EDEM2: variants seen among roughly 807,000 people sequenced by gnomAD.
EDEM2 encodes the protein ER degradation-enhancing alpha-mannosidase-like protein 2.
In EDEM2, 39 loss-of-function variants were observed where a neutral mutation model predicts 64.8. The observed-to-expected ratio is 0.60, with a 90% CI of 0.47 to 0.79. The LOEUF (loss-of-function observed/expected upper bound fraction) is 0.79, where lower values mean the gene tolerates loss of function less well. Ranked by LOEUF, EDEM2 falls within the 30% of genes least tolerant of loss-of-function variation. EDEM2 has a pLI of 0.00. For synonymous variants in EDEM2, 296 were observed against 291.5 expected (o/e 1.02, Z -0.16); for missense variants, 609 against 731.3 (o/e 0.83, Z 1.93).
At chr20:35,137,841 C>T (rs774300691) in intron 5 of EDEM2, 39 bp downstream of exon 5, 3 of 1,605,756 alleles carry the variant, frequency 1.9e-6, no homozygotes, top group Non-Finnish European at 2.6e-6. Flanking sequence ...GCAGGACCTA[C>T]TGGACTTCGT....
Position 35,131,728 on chromosome 20 carries a change from A to G in EDEM2, c.758T>C (p.Ile253Thr). 6.2e-7 allele frequency: 1 copy of G among 1,614,164 alleles called. No homozygotes were observed. The highest frequency in any genetic ancestry group is 8.5e-7 in the Non-Finnish European group (1 of 1,180,010). Residue 253 changes from isoleucine to threonine, a missense_variant, in exon 7 of 11, where the codon ATC becomes ACC. Coordinates refer to ENST00000374492, the MANE Select transcript of EDEM2 (RefSeq NM_018217.3). The part of the protein sequence containing the change: ...TGKWVAQDAG[I>T]GAGVDSYFEY... ...AAAGTAGGAGTCCACGCCAGCCCCG[A>G]TGCCTGCGTCCTGGGCCACCCACTT... is the stretch of plus-strand genomic sequence containing the variant.
At chr20:35,141,535 T>C (rs1435779910) in intron 4 of EDEM2, among the ~76,000 whole-genome samples, 2 of 152,232 alleles carry the variant, frequency 1.3e-5, no homozygotes, top group Non-Finnish European at 2.9e-5. Flanking sequence ...TTCTCTTTTT[T>C]AATCTTTTAT....
At chr20:35,141,299 A>C (rs956995683) in intron 4 of EDEM2, among the ~76,000 whole-genome samples, 1 of 152,198 alleles carries the variant, frequency 6.6e-6, no homozygotes, top group East Asian at 1.9e-4. Context: ...TCTAATCATA[A>C]AACTACAGAA....
At chr20:35,121,127 T>G (rs960261971) in intron 9 of EDEM2, among the ~76,000 whole-genome samples, 1 of 152,244 alleles carries the variant, frequency 6.6e-6, no homozygotes, top group Non-Finnish European at 1.5e-5. Flanking sequence ...ATAATTCATG[T>G]GCATTACATT....
intron 4 of EDEM2, among the ~76,000 whole-genome samples, chr20:35,141,084 C>T (rs556315047): frequency 1.4e-5 from 2 of 138,016 alleles, no homozygotes; most frequent in South Asian, 2.3e-4. Context: ...TGCACCACTA[C>T]ACTCCCGCCT....
At chr20:35,146,781 G>T in intron 2 of EDEM2, 44 bp downstream of exon 2, 6 of 1,599,398 alleles carry the variant, frequency 3.8e-6, no homozygotes, top group Non-Finnish European at 4.3e-6. Context: ...CCGAGGCCCA[G>T]AGAGTCAGAC....
rs138113879 is a variant in EDEM2 at position 35,146,002 on chromosome 20, CA to C, written c.218+822del. Among the ~76,000 whole-genome samples, 572 of 82,752 alleles carry C rather than the reference CA, an allele frequency of 6.9e-3. 2 individuals carry two copies. Among genetic ancestry groups the C allele is most frequent in the African/African-American group, 0.018 (419 of 22,862 alleles). The allele number at this position is 82,752 out of a possible 152,430, so 54.3% of individuals were successfully genotyped here. A position where few individuals can be genotyped will look rare whatever the true frequency, so the allele number is the denominator to read the frequency against. On this transcript the variant is annotated intron_variant, in intron 2 of 10. Coordinates refer to ENST00000374492, the MANE Select transcript of EDEM2 (RefSeq NM_018217.3). ...GGGTAACAAGAGCGAAACTCCATCT[CA>C]AAAAAAAAAAAAAAAAAAAAAGAGT...
intron 7 of EDEM2, among the ~76,000 whole-genome samples, chr20:35,129,360 T>C (rs947460587): frequency 4.6e-5 from 7 of 151,642 alleles, no homozygotes; most frequent in Non-Finnish European, 8.8e-5. Flanking sequence ...CGAGCCGATA[T>C]TGCACCACTG....
chr20:35,118,690 G>A lies in EDEM2; in HGVS notation c.1144C>T (p.Arg382Cys), dbSNP rs775554503. The A allele has an allele frequency of 6.8e-6, 11 of 1,612,888 alleles. No individual in the cohort carries two copies. The highest frequency in any genetic ancestry group is 4.5e-5 in the East Asian group (2 of 44,900). Reference protein sequence around the residue: ...ELIESAMYLYRATGDPTLLEL... With the variant: ...ELIESAMYLYCATGDPTLLEL... ...AGGAGGGTGGGATCCCCCGTGGCAC[G>A]GTAGAGGTACATTGCGCTTTCAATA... Residue 382 changes from arginine to cysteine, a missense_variant, in exon 10 of 11, where the codon CGT becomes TGT. Arg to Cys is a radical substitution (Grantham distance 180). Transcript: ENST00000374492.
rs745754693 is a variant in EDEM2, at chr20:35,144,991, C to T, written c.246G>A (p.Leu82=). Residue 82 remains leucine, a synonymous_variant, in exon 3 of 11, where the codon CTG becomes CTA. Coordinates refer to ENST00000374492, the MANE Select transcript of EDEM2 (RefSeq NM_018217.3). The stretch of plus-strand genomic sequence containing the variant: ...ACGAGATACTTACCAGCAAGGTGTC[C>T]AGTGCATCAATTAGAGTCAGAGAAA... ...GSFSLTLIDA[L]DTLLILGNVS... 2 of 1,614,008 alleles carry T rather than the reference C, an allele frequency of 1.2e-6. No individual in the cohort carries two copies. The highest frequency in any genetic ancestry group is 2.2e-5 in the East Asian group (1 of 44,890).
At chr20:35,144,648 T>C (rs1310426103) in intron 3 of EDEM2, among the ~76,000 whole-genome samples, 2 of 152,202 alleles carry the variant, frequency 1.3e-5, no homozygotes, top group Non-Finnish European at 2.9e-5. Context: ...ACCCTTTTAT[T>C]ATCATTGAAC....
At chr20:35,147,093 G>T (rs1197727195) in intron 1 of EDEM2, 59 bp downstream of exon 1, 19 of 1,567,482 alleles carry the variant, frequency 1.2e-5, no homozygotes, top group Non-Finnish European at 1.6e-5. Flanking sequence ...GACGGAAAGG[G>T]AAAGGACCGG....
chr20:35,126,134 T>C (rs2085429175), intron 8 of EDEM2, 117 bp downstream of exon 8: 3 of 1,344,292 alleles, frequency 2.2e-6, no homozygotes, highest in Non-Finnish European at 3.0e-6. Context: ...CCTCAACCTG[T>C]CCCTCCAAAA....
chr20:35,126,550 C>G (rs1470271249), intron 7 of EDEM2, among the ~76,000 whole-genome samples, 175 bp from the exon 8 acceptor site: 1 of 152,182 alleles, frequency 6.6e-6, no homozygotes, highest in Non-Finnish European at 1.5e-5. Context: ...AATTCCAGCT[C>G]CAGCTCTACC....
chr20:35,126,461 C>T, intron 7 of EDEM2, 86 bp from the exon 8 acceptor site: 1 of 1,511,470 alleles, frequency 6.6e-7, no homozygotes. Context: ...AGAACTTACA[C>T]TTTGGAAAGA....
At chr20:35,124,107 A>G in intron 8 of EDEM2, 73 bp from the exon 9 acceptor site, 1 of 1,553,860 alleles carries the variant, frequency 6.4e-7, no homozygotes, top group Non-Finnish European at 8.7e-7. Flanking sequence ...AAGAAAAGAC[A>G]AAGTAAAATC....
At chr20:35,128,907 G>A (rs2085471510) in intron 7 of EDEM2, among the ~76,000 whole-genome samples, 1 of 147,858 alleles carries the variant, frequency 6.8e-6, no homozygotes, top group African/African-American at 2.6e-5. Context: ...TTACAAATGA[G>A]TCAAAAAGTT....
intron 8 of EDEM2, among the ~76,000 whole-genome samples, chr20:35,124,980 T>C (rs1353552195): frequency 1.3e-5 from 2 of 152,242 alleles, no homozygotes; most frequent in Admixed American, 6.5e-5. Flanking sequence ...TTTACCACTA[T>C]TGCTAAGTAG....
chr20:35,132,823 C>G (rs1345410915), intron 6 of EDEM2, among the ~76,000 whole-genome samples: 1 of 152,160 alleles, frequency 6.6e-6, no homozygotes, highest in East Asian at 1.9e-4. Flanking sequence ...CAGGCGTGAG[C>G]CACTGCGCCC....
Sources: gnomAD v4.1 joint callset for allele counts (sites outside exome capture counted in the v4.1 genomes callset) on GRCh38, gnomAD v4.1.1 for gene constraint, MANE v1.5 for transcripts, NCBI Gene and HGNC (gene_info 2026-07-23, HGNC 2026-07-21) for gene names.